Variants in PRDM5 observed in about 807,000 individuals in gnomAD.
PRDM5 encodes PR domain zinc finger protein 5.
A neutral mutation model predicts 81.2 loss-of-function variants in PRDM5; 56 were observed. The observed-to-expected ratio is 0.69, with a 90% CI of 0.56 to 0.86. The LOEUF (loss-of-function observed/expected upper bound fraction) is 0.86. Ranked by LOEUF, PRDM5 falls within the 40% of genes least tolerant of loss-of-function variation. PRDM5 has a pLI of 0.00. For synonymous variants in PRDM5, 267 were observed against 256.4 expected (o/e 1.04, Z -0.39); for missense variants, 697 against 770.1 (o/e 0.91, Z 1.12).
rs567182528 is a variant in PRDM5, at chr4:120,767,283, T to A, written c.1537+9905A>T. Among the ~76,000 whole-genome samples, 7 of 151,976 alleles carry A rather than the reference T, an allele frequency of 4.6e-5. No homozygotes were observed. In the South Asian group the frequency reaches 1.0e-3, roughly 23 times the overall value. Reference sequence around the variant, plus strand: ...AAAAACACTTGTTTTAAAAAAAAAATAATATGTATGAAGGAGACTGCCTTT... The same window carrying A: ...AAAAACACTTGTTTTAAAAAAAAAAAAATATGTATGAAGGAGACTGCCTTT... On this transcript the variant is annotated intron_variant, in intron 13 of 15. Transcript: ENST00000264808.
intron 13 of PRDM5, among the ~76,000 whole-genome samples, chr4:120,775,020 A>T (rs1267636671): frequency 6.6e-6 from 1 of 150,676 alleles, no homozygotes; most frequent in African/African-American, 2.4e-5. Context: ...ACATATATAT[A>T]TAATTTCTTT....
At chr4:120,684,930 C>A (rs1471230067) in exon 2 of PRDM5, 1 of 151,538 alleles carries the variant, frequency 6.6e-6, no homozygotes, top group Non-Finnish European at 1.5e-5. Context: ...CTTTTTCTTC[C>A]CCCAAAATAT....
intron 13 of PRDM5, among the ~76,000 whole-genome samples, chr4:120,766,588 G>A (rs1746419620): frequency 2.0e-5 from 3 of 152,182 alleles, no homozygotes; most frequent in Admixed American, 2.0e-4. Flanking sequence ...AGGAGTGTAT[G>A]TAGTTCTATG....
In PRDM5 at chr4:120,710,519, T is replaced by C. The variant is rs902039716; in HGVS notation, c.1624-106A>G. ...GGGATCCACAGAATACTGCAGCAAA[T>C]TTACAGGTATGCTGATATGGTTTGG... On this transcript the variant is annotated intron_variant, in intron 14 of 15. Coordinates refer to ENST00000264808, the MANE Select transcript of PRDM5 (RefSeq NM_018699.4). The C allele has an allele frequency of 5.1e-5, 45 of 878,546 alleles. No homozygotes were observed. The South Asian group carries it at 5.8e-4, about 11-fold the overall frequency. 54.4% of individuals were successfully genotyped at this position (878,546 alleles called of 1,614,324 possible). A position where few individuals can be genotyped will look rare whatever the true frequency, so the allele number is the denominator to read the frequency against.
chr4:120,722,446 G>C (rs1258033878), intron 14 of PRDM5, among the ~76,000 whole-genome samples: 1 of 151,824 alleles, frequency 6.6e-6, no homozygotes, highest in Non-Finnish European at 1.5e-5. Flanking sequence ...CTTCTGCTTG[G>C]TTAAGCACCC....
chr4:120,787,261 G>C (rs1749891057), intron 10 of PRDM5, among the ~76,000 whole-genome samples: 1 of 152,094 alleles, frequency 6.6e-6, no homozygotes, highest in Admixed American at 6.6e-5. Context: ...CATCACGGAA[G>C]CCAGTGTGGT....
intron 8 of PRDM5, among the ~76,000 whole-genome samples, chr4:120,803,176 G>A (rs1017314396): frequency 6.6e-6 from 1 of 152,100 alleles, no homozygotes; most frequent in Non-Finnish European, 1.5e-5. Context: ...AAAAAGAAAC[G>A]AACGAAGCCT....
chr4:120,787,499 A>G (rs1260508370), intron 10 of PRDM5, among the ~76,000 whole-genome samples: 1 of 152,206 alleles, frequency 6.6e-6, no homozygotes, highest in East Asian at 1.9e-4. Flanking sequence ...AATGTAGGGG[A>G]AAACACAAAG....
chr4:120,740,260 T>C lies in PRDM5; in HGVS notation c.1623+14293A>G, dbSNP rs139367008. 3.3e-5 allele frequency among the ~76,000 whole-genome samples: 5 copies of C among 152,344 alleles called. No individual in the cohort carries two copies. In the East Asian group the frequency reaches 9.6e-4, roughly 29 times the overall value. On this transcript the variant is annotated intron_variant, in intron 14 of 15. Transcript: ENST00000264808. The stretch of plus-strand genomic sequence containing the variant: ...AATGAGGCATATTCTCTTGTTCCTA[T>C]AGGACAAAAGCTGATGAAGTTTAGA...
chr4:120,847,623 A>C (rs1758805534), intron 3 of PRDM5, among the ~76,000 whole-genome samples: 1 of 152,192 alleles, frequency 6.6e-6, no homozygotes, highest in Non-Finnish European at 1.5e-5. Flanking sequence ...AAATTGTATA[A>C]AATCATACTG....
chr4:120,816,632 C>T (rs540481335), intron 6 of PRDM5, 58 bp from the exon 7 acceptor site: 1 of 1,610,354 alleles, frequency 6.2e-7, no homozygotes. Context: ...ACCTACAAAA[C>T]TCAAACATCA....
intron 1 of PRDM5, chr4:120,685,058 G>A (rs1733782864): frequency 6.6e-6 from 1 of 151,910 alleles, no homozygotes; most frequent in African/African-American, 2.4e-5. Context: ...AGATTCATAT[G>A]TAAACACTTG....
chr4:120,822,160 T>C (rs1333281982), intron 3 of PRDM5, among the ~76,000 whole-genome samples: 1 of 152,194 alleles, frequency 6.6e-6, no homozygotes, highest in Non-Finnish European at 1.5e-5. Context: ...ACAAAAGCCA[T>C]GCTGGGCCTT....
At chr4:120,845,387 A>G (rs1758541118) in intron 3 of PRDM5, among the ~76,000 whole-genome samples, 1 of 152,186 alleles carries the variant, frequency 6.6e-6, no homozygotes, top group African/African-American at 2.4e-5. Flanking sequence ...GTGACTTTAC[A>G]TTGAAGCCAA....
At chr4:120,913,463 A>G (rs1281460667) in intron 1 of PRDM5, among the ~76,000 whole-genome samples, 1 of 152,246 alleles carries the variant, frequency 6.6e-6, no homozygotes, top group Non-Finnish European at 1.5e-5. Flanking sequence ...AGCAGAGGTC[A>G]GGGGAAAGAA....
intron 7 of PRDM5, among the ~76,000 whole-genome samples, chr4:120,811,990 C>T (rs1753905623): frequency 6.6e-6 from 1 of 152,040 alleles, no homozygotes; most frequent in South Asian, 2.1e-4. Context: ...TATATTTTTA[C>T]ACCTATTAAC....
intron 4 of PRDM5, among the ~76,000 whole-genome samples, chr4:120,819,010 T>C (rs1042707707): frequency 6.6e-6 from 1 of 152,208 alleles, no homozygotes; most frequent in Non-Finnish European, 1.5e-5. Context: ...CACGGTCCCA[T>C]ATAGACTGGT....
intron 7 of PRDM5, chr4:120,815,996 C>T (rs1754436301): frequency 4.8e-6 from 1 of 209,518 alleles, no homozygotes; most frequent in Non-Finnish European, 9.7e-6. Flanking sequence ...ATATTCAATT[C>T]CAATGTCAAA....
chr4:120,728,065 C>G (rs1184903320), intron 14 of PRDM5, among the ~76,000 whole-genome samples: 1 of 152,060 alleles, frequency 6.6e-6, no homozygotes, highest in African/African-American at 2.4e-5. Flanking sequence ...CTTAGCCTGG[C>G]CCAACTGCTG....
Sources: allele counts gnomAD v4.1 joint callset (sites outside exome capture counted in the v4.1 genomes callset), GRCh38; gene constraint gnomAD v4.1.1; transcripts MANE v1.5; gene names NCBI Gene and HGNC (gene_info 2026-07-23, HGNC 2026-07-21).